GRIK1: variants seen among roughly 807,000 people sequenced by gnomAD.
The protein encoded by GRIK1 is glutamate receptor ionotropic, kainate 1.
In GRIK1, 69 loss-of-function variants were observed where a neutral mutation model predicts 105.7. The observed-to-expected ratio is 0.65, with a 90% CI of 0.54 to 0.80. The LOEUF (loss-of-function observed/expected upper bound fraction) is 0.80. GRIK1 is among the 30% of genes least tolerant of loss of function. The probability of loss-of-function intolerance (pLI) is 0.00; values close to 1 mark genes in which losing one functional copy is unlikely to be tolerated. For synonymous variants in GRIK1, 438 were observed against 431.3 expected, an observed-to-expected ratio of 1.02 and a Z score of -0.19; for missense variants, 1,109 against 1,167.3, an observed-to-expected ratio of 0.95 and a Z score of 0.73.
intron 14 of GRIK1, among the ~76,000 whole-genome samples, chr21:29,563,447 T>C (rs1568821231): frequency 6.6e-6 from 1 of 152,156 alleles, no homozygotes; most frequent in Admixed American, 6.5e-5. Context: ...CTTATAGATA[T>C]TGGTATTTTG....
At chr21:29,736,778 A>C (rs2064802304) in intron 1 of GRIK1, among the ~76,000 whole-genome samples, 1 of 151,232 alleles carries the variant, frequency 6.6e-6, no homozygotes. Context: ...CCTGGGTTCA[A>C]GCAATTCTCC....
At chr21:29,659,919 G>C (rs1190136422) in intron 4 of GRIK1, among the ~76,000 whole-genome samples, 1 of 152,070 alleles carries the variant, frequency 6.6e-6, no homozygotes, top group African/African-American at 2.4e-5. Context: ...CCGAGATCAG[G>C]CCATTGCACT....
At chr21:29,936,884 T>C (rs1197881316) in intron 1 of GRIK1, among the ~76,000 whole-genome samples, 3 of 152,252 alleles carry the variant, frequency 2.0e-5, no homozygotes, top group Non-Finnish European at 4.4e-5. Flanking sequence ...GACCCAGTAC[T>C]AAGTGCCTAG....
chr21:29,887,223 C>A, intron 1 of GRIK1, among the ~76,000 whole-genome samples: 1 of 152,152 alleles, frequency 6.6e-6, no homozygotes, highest in South Asian at 2.1e-4. Context: ...GCCTACACTG[C>A]ACATTTTTGT....
chr21:29,725,007 TAAA>T lies in GRIK1; in HGVS notation c.119-30947_119-30945del, dbSNP rs76948130. On this transcript the variant is annotated intron_variant, in intron 1 of 17. Coordinates refer to ENST00000327783, the MANE Select transcript of GRIK1 (RefSeq NM_001330994.2). Reference sequence around the variant, plus strand: ...CTGAAACCTTGGTCCCTTTGCCACCTAAAAAAAAAAAAAAAAAAAGAAACTCTA... The same window carrying T: ...CTGAAACCTTGGTCCCTTTGCCACCTAAAAAAAAAAAAAAAAGAAACTCTA... Among the ~76,000 whole-genome samples, 317 of 112,072 alleles carry T rather than the reference TAAA, an allele frequency of 2.8e-3. 2 individuals carry two copies. The highest frequency in any genetic ancestry group is 7.7e-3 in the African/African-American group (261 of 33,882). The allele number at this position is 112,072 out of a possible 152,430, so 73.5% of individuals were successfully genotyped here.
At chr21:29,685,715 A>T (rs2063474994) in intron 3 of GRIK1, among the ~76,000 whole-genome samples, 1 of 152,204 alleles carries the variant, frequency 6.6e-6, no homozygotes, top group Admixed American at 6.5e-5. Context: ...ACACCCCAAA[A>T]TATGGCACCT....
intron 1 of GRIK1, among the ~76,000 whole-genome samples, chr21:29,704,960 T>G (rs1375412573): frequency 1.3e-5 from 2 of 152,246 alleles, no homozygotes; most frequent in African/African-American, 4.8e-5. Context: ...ACAGCAGTTA[T>G]AGTTTTAGCT....
intron 1 of GRIK1, among the ~76,000 whole-genome samples, chr21:29,738,478 C>G (rs182281478): frequency 6.6e-6 from 1 of 152,172 alleles, no homozygotes; most frequent in African/African-American, 2.4e-5. Flanking sequence ...AAGTCTCTTG[C>G]ATTGTTAAAT....
At chr21:29,608,488 G>C (rs2061666527) in intron 7 of GRIK1, among the ~76,000 whole-genome samples, 1 of 152,108 alleles carries the variant, frequency 6.6e-6, no homozygotes, top group Non-Finnish European at 1.5e-5. Context: ...TAATAAGATA[G>C]ATATTTTAAG....
At chr21:29,698,372 C>T (rs2063750735) in intron 1 of GRIK1, among the ~76,000 whole-genome samples, 1 of 152,142 alleles carries the variant, frequency 6.6e-6, no homozygotes, top group South Asian at 2.1e-4. Flanking sequence ...GTCCCCTCCC[C>T]TTGTATTTTT....
At chr21:29,545,797 C>G (rs186924048) in intron 16 of GRIK1, among the ~76,000 whole-genome samples, 1 of 152,184 alleles carries the variant, frequency 6.6e-6, no homozygotes, top group Non-Finnish European at 1.5e-5. Context: ...AAGCTACAAA[C>G]TTGGATTTGC....
chr21:29,698,236 C>T (rs922769069), intron 1 of GRIK1, among the ~76,000 whole-genome samples: 5 of 152,174 alleles, frequency 3.3e-5, no homozygotes, highest in Non-Finnish European at 5.9e-5. Context: ...CCCTCTGTTC[C>T]TCTTCCTCTC....
intron 1 of GRIK1, among the ~76,000 whole-genome samples, chr21:29,912,089 G>C (rs1440570595): frequency 1.3e-5 from 2 of 152,000 alleles, no homozygotes; most frequent in Non-Finnish European, 2.9e-5. Flanking sequence ...TGATAAAGTG[G>C]ATATGGTAAA....
At chr21:29,560,327 CT>C (rs1568812743) in intron 15 of GRIK1, among the ~76,000 whole-genome samples, 7 of 122,188 alleles carry the variant, frequency 5.7e-5, no homozygotes, top group Admixed American at 8.7e-5. Context: ...TTCTTTCTTT[CT>C]TTCTTTCTTT....
intron 1 of GRIK1, among the ~76,000 whole-genome samples, chr21:29,929,606 C>T (rs1456468717): frequency 6.6e-6 from 1 of 152,064 alleles, no homozygotes; most frequent in Non-Finnish European, 1.5e-5. Flanking sequence ...CTTAAGTAAC[C>T]TCACCTCAGT....
At chr21:29,733,473 T>G (rs2064692009) in intron 1 of GRIK1, among the ~76,000 whole-genome samples, 1 of 152,134 alleles carries the variant, frequency 6.6e-6, no homozygotes, top group Non-Finnish European at 1.5e-5. Context: ...GAACATAGTT[T>G]TATAAATAAA....
chr21:29,605,266 T>C (rs1483628116), intron 7 of GRIK1, among the ~76,000 whole-genome samples: 1 of 152,142 alleles, frequency 6.6e-6, no homozygotes, highest in Non-Finnish European at 1.5e-5. Context: ...CCTCCATGTG[T>C]CCATGTATTC....
chr21:29,865,573 C>G (rs1490228235), intron 1 of GRIK1, among the ~76,000 whole-genome samples: 1 of 152,194 alleles, frequency 6.6e-6, no homozygotes, highest in East Asian at 1.9e-4. Flanking sequence ...AGCAAGGGCA[C>G]TAATTTTGCA....
Position 29,537,049 on chromosome 21 carries a change from G to C in GRIK1, c.*181C>G. The stretch of plus-strand genomic sequence containing the variant: ...ATACAAATTTATTTTAAAAGAACTG[G>C]TGTCACTTCCCAAGTCATATCTATG... On this transcript the variant is annotated 3_prime_UTR_variant, in exon 18 of 18. Coordinates refer to ENST00000327783, the MANE Select transcript of GRIK1 (RefSeq NM_001330994.2). The C allele has an allele frequency of 2.6e-6, 1 of 388,456 alleles. No homozygotes were observed. The highest frequency in any genetic ancestry group is 1.4e-4 in the South Asian group (1 of 7,108). The allele number at this position is 388,456 out of a possible 1,614,324, so 24.1% of individuals were successfully genotyped here.
Sources: allele counts gnomAD v4.1 joint callset (sites outside exome capture counted in the v4.1 genomes callset), GRCh38; gene constraint gnomAD v4.1.1; transcripts MANE v1.5; gene names NCBI Gene and HGNC (gene_info 2026-07-23, HGNC 2026-07-21).